KANSL1L: variants seen among roughly 807,000 people sequenced by gnomAD.
KANSL1L encodes the protein KAT8 regulatory NSL complex subunit 1-like protein.
In KANSL1L, 25 loss-of-function variants were observed where a neutral mutation model predicts 108.6. That is an observed-to-expected ratio of 0.23 (90% CI 0.17 to 0.32). KANSL1L has a LOEUF of 0.32. KANSL1L is among the 10% of genes least tolerant of loss of function. KANSL1L has a pLI of 1.00. For missense variants in KANSL1L, 1,137 were observed against 1,125.7 expected, an observed-to-expected ratio of 1.01 and a Z score of -0.14; for synonymous variants, 405 against 395.1, an observed-to-expected ratio of 1.03 and a Z score of -0.30.
In KANSL1L at chr2:210,042,582, G is replaced by A. The variant is rs527608548; in HGVS notation, c.1921+1357C>T. 3.9e-5 allele frequency among the ~76,000 whole-genome samples: 6 copies of A among 152,196 alleles called. No individual in the cohort carries two copies. In the East Asian group the frequency reaches 7.7e-4, roughly 20 times the overall value. On this transcript the variant is annotated intron_variant, in intron 7 of 14. Coordinates refer to ENST00000281772, the MANE Select transcript of KANSL1L (RefSeq NM_152519.4). ...AGTAATCTTGGATGAGTAGTATCAC[G>A]AAGCTTAGTTTTCTCATATGTAAGA... is the stretch of plus-strand genomic sequence containing the variant.
chr2:210,094,545 T>C (rs910704983), intron 5 of KANSL1L, among the ~76,000 whole-genome samples: 2 of 152,112 alleles, frequency 1.3e-5, no homozygotes, highest in Admixed American at 1.3e-4. Context: ...AAAAGGCTCA[T>C]AGAGATCCAT....
At chr2:210,065,746 C>T (rs375143024) in intron 6 of KANSL1L, among the ~76,000 whole-genome samples, 47 of 152,016 alleles carry the variant, frequency 3.1e-4, no homozygotes, top group African/African-American at 1.0e-3. Flanking sequence ...CCACCACGCC[C>T]GGCTAATATT....
chr2:210,025,261 G>T (rs2093920169), intron 12 of KANSL1L, 45 bp from the exon 13 acceptor site: 1 of 1,204,184 alleles, frequency 8.3e-7, no homozygotes, highest in South Asian at 1.2e-5. Flanking sequence ...GAAACATTTT[G>T]AAATATAAGA....
intron 3 of KANSL1L, among the ~76,000 whole-genome samples, chr2:210,107,532 A>AT (rs1243082558): frequency 3.9e-5 from 4 of 102,424 alleles, no homozygotes; most frequent in Non-Finnish European, 8.4e-5. Context: ...ATATATATAT[A>AT]TATTTTTTTT....
intron 2 of KANSL1L, among the ~76,000 whole-genome samples, chr2:210,150,727 A>C (rs1018968793): frequency 1.1e-4 from 16 of 151,598 alleles, no homozygotes; most frequent in Non-Finnish European, 2.4e-4. Context: ...GGTTGCAGTG[A>C]GCCGAGATCG....
At chr2:210,140,344 A>T (rs2095216749) in intron 2 of KANSL1L, among the ~76,000 whole-genome samples, 1 of 152,206 alleles carries the variant, frequency 6.6e-6, no homozygotes, top group Admixed American at 6.5e-5. Flanking sequence ...AATAAGGAGT[A>T]AGATAAGGGT....
intron 6 of KANSL1L, among the ~76,000 whole-genome samples, chr2:210,052,736 G>A (rs2094306972): frequency 6.6e-6 from 1 of 152,104 alleles, no homozygotes; most frequent in Non-Finnish European, 1.5e-5. Context: ...TTTCTGTCAT[G>A]TTCACCACAG....
chr2:210,025,480 G>A (rs1198612242), intron 12 of KANSL1L, among the ~76,000 whole-genome samples: 4 of 152,182 alleles, frequency 2.6e-5, no homozygotes, highest in African/African-American at 4.8e-5. Context: ...GCTTGAACGC[G>A]GGAGGCGGAG....
chr2:210,047,300 G>A (rs1366589688), intron 6 of KANSL1L, among the ~76,000 whole-genome samples: 7 of 152,114 alleles, frequency 4.6e-5, no homozygotes, highest in Non-Finnish European at 7.4e-5. Context: ...AGTTCCTCTT[G>A]TAGTCATTTC....
intron 6 of KANSL1L, among the ~76,000 whole-genome samples, chr2:210,058,269 G>T (rs947079955): frequency 1.3e-5 from 2 of 152,100 alleles, no homozygotes; most frequent in African/African-American, 4.8e-5. Context: ...GCACTCCCAG[G>T]CTTATTAGGA....
intron 2 of KANSL1L, 185 bp downstream of exon 2, chr2:210,153,310 C>T (rs1575628150): frequency 5.9e-6 from 3 of 505,240 alleles, no homozygotes; most frequent in East Asian, 3.6e-5. Flanking sequence ...GCCAGGATTG[C>T]ACCACTACAC....
intron 6 of KANSL1L, among the ~76,000 whole-genome samples, chr2:210,051,634 C>T (rs764293789): frequency 1.5e-4 from 23 of 152,090 alleles, no homozygotes. Context: ...ACTTTGGAGA[C>T]ATTATTCTAT....
intron 6 of KANSL1L, among the ~76,000 whole-genome samples, chr2:210,070,133 CCT>C (rs948782703): frequency 1.1e-4 from 16 of 150,954 alleles, no homozygotes; most frequent in African/African-American, 3.9e-4. Flanking sequence ...CTGCTTGGCC[CCT>C]GACATTCTTT....
Position 210,022,569 on chromosome 2 carries a change from T to TA in KANSL1L, c.*379dup, listed in dbSNP as rs1316570829. The TA allele has an allele frequency of 5.0e-5, 9 of 179,274 alleles. No individual in the cohort carries two copies. Among genetic ancestry groups the TA allele is most frequent in the African/African-American group, 7.2e-5 (3 of 41,704 alleles). 11.1% of individuals were successfully genotyped at this position (179,274 alleles called of 1,614,324 possible). A position where few individuals can be genotyped will look rare whatever the true frequency, so the allele number is the denominator to read the frequency against. ...CAATTTTAATGAATTACCATGTATA[T>TA]AAAAAAATAGCTGTCACTTGGCACA... On this transcript the variant is annotated 3_prime_UTR_variant, in exon 15 of 15. Transcript: ENST00000281772.
At chr2:210,114,876 G>A (rs549129545) in intron 3 of KANSL1L, among the ~76,000 whole-genome samples, 2 of 152,052 alleles carry the variant, frequency 1.3e-5, no homozygotes, top group African/African-American at 4.8e-5. Context: ...AAATTATAAT[G>A]TAATAACTTT....
At chr2:210,073,105 A>G (rs2094518738) in intron 6 of KANSL1L, among the ~76,000 whole-genome samples, 2 of 152,008 alleles carry the variant, frequency 1.3e-5, no homozygotes, top group Admixed American at 6.6e-5. Context: ...GGGCCTCTTC[A>G]AGCTAGCTTC....
At chr2:210,125,386 T>G (rs771828544) in intron 3 of KANSL1L, among the ~76,000 whole-genome samples, 28 of 152,200 alleles carry the variant, frequency 1.8e-4, no homozygotes, top group Non-Finnish European at 1.9e-4. Flanking sequence ...TCTACTAAAT[T>G]TTTAAAGAAG....
At chr2:210,107,579 A>G (rs1056065890) in intron 3 of KANSL1L, among the ~76,000 whole-genome samples, 2 of 150,280 alleles carry the variant, frequency 1.3e-5, no homozygotes, top group Non-Finnish European at 3.0e-5. Flanking sequence ...CCCAGGCTGG[A>G]GTGCAGTGGC....
At chr2:210,035,505 A>C (rs1327990548) in intron 8 of KANSL1L, among the ~76,000 whole-genome samples, 2 of 152,182 alleles carry the variant, frequency 1.3e-5, no homozygotes, top group Non-Finnish European at 2.9e-5. Context: ...TTTGAGATGA[A>C]GTCTCACTCT....
Sources: gnomAD v4.1 joint callset for allele counts (sites outside exome capture counted in the v4.1 genomes callset) on GRCh38, gnomAD v4.1.1 for gene constraint, MANE v1.5 for transcripts, NCBI Gene and HGNC (gene_info 2026-07-23, HGNC 2026-07-21) for gene names.